FAM91A1: variants seen among roughly 807,000 people sequenced by gnomAD.
FAM91A1 encodes the protein family with sequence similarity 91 member A1.
FAM91A1 carries 41 observed loss-of-function variants against 113.5 expected under a neutral mutation model. The observed-to-expected ratio is 0.36, with a 90% CI of 0.28 to 0.47. The LOEUF (loss-of-function observed/expected upper bound fraction) is 0.47, where lower values mean the gene tolerates loss of function less well. Ranked by LOEUF, FAM91A1 falls within the 20% of genes least tolerant of loss-of-function variation. The pLI is 1.00. For synonymous variants in FAM91A1, 307 were observed against 347.9 expected (o/e 0.88, Z 1.31); for missense variants, 696 against 1,001.2 (o/e 0.70, Z 4.11).
At chr8:123,782,159 A>G (rs547564669) in intron 8 of FAM91A1, among the ~76,000 whole-genome samples, 21 of 152,328 alleles carry the variant, frequency 1.4e-4, no homozygotes, top group Admixed American at 4.6e-4. Flanking sequence ...CAGTCAGAGA[A>G]GGGCCAGATG....
At chr8:123,801,887 G>T (rs1815691402) in intron 18 of FAM91A1, among the ~76,000 whole-genome samples, 1 of 151,842 alleles carries the variant, frequency 6.6e-6, no homozygotes, top group South Asian at 2.1e-4. Flanking sequence ...GTTAGTGTTT[G>T]TGGAATAAAT....
Position 123,785,665 on chromosome 8 carries a change from C to T in FAM91A1, c.886C>T (p.His296Tyr). Residue 296 changes from histidine (H) to tyrosine (Y), a missense_variant, in exon 11 of 24, where the codon CAT becomes TAT. Transcript: ENST00000334705. ...VSMYCRLGFA[H>Y]KKGQVINLDQ... The stretch of plus-strand genomic sequence containing the variant: ...AATGTATTGCCGATTGGGCTTTGCC[C>T]ATAAGAAGGGACAAGTAATTAATTT... 1 of 1,608,852 alleles carries T rather than the reference C, an allele frequency of 6.2e-7. No homozygotes were observed. Among genetic ancestry groups the T allele is most frequent in the Non-Finnish European group, 8.5e-7 (1 of 1,178,536 alleles).
intron 18 of FAM91A1, among the ~76,000 whole-genome samples, chr8:123,804,338 A>AG (rs1361739295): frequency 3.0e-4 from 45 of 151,806 alleles, no homozygotes; most frequent in Non-Finnish European, 5.3e-4. Context: ...ATACAAAAAA[A>AG]TAGTTAGCCG....
At chr8:123,803,115 A>G (rs1181611464) in intron 18 of FAM91A1, among the ~76,000 whole-genome samples, 1 of 152,164 alleles carries the variant, frequency 6.6e-6, no homozygotes, top group African/African-American at 2.4e-5. Context: ...ACCAACTTGG[A>G]TAACATAGTG....
chr8:123,787,919 T>C (rs541600234), intron 14 of FAM91A1, among the ~76,000 whole-genome samples, 169 bp downstream of exon 14: 1 of 152,336 alleles, frequency 6.6e-6, no homozygotes, highest in South Asian at 2.1e-4. Flanking sequence ...GACTTAAACA[T>C]ATTGAGTGGG....
intron 15 of FAM91A1, among the ~76,000 whole-genome samples, chr8:123,790,954 CAT>C (rs1374564420): frequency 3.3e-5 from 5 of 152,188 alleles, no homozygotes; most frequent in African/African-American, 7.2e-5. Flanking sequence ...AATACTAAAT[CAT>C]GTGATAAAGC....
rs562863704 is a variant in FAM91A1, at chr8:123,771,334, G to T, written c.72+2560G>T. On this transcript the variant is annotated intron_variant, in intron 1 of 23. Coordinates refer to ENST00000334705, the MANE Select transcript of FAM91A1 (RefSeq NM_144963.4). ...TAAAGCTCAGTCAGTTTAAACTTGG[G>T]GAATATTCCTTCTATGGAAAGAATT... Among the ~76,000 whole-genome samples the T allele has an allele frequency of 5.3e-4, 81 of 152,184 alleles. No individual in the cohort carries two copies. The Middle Eastern group carries it at 0.014, about 26-fold the overall frequency.
chr8:123,779,872 GTTCA>G, intron 6 of FAM91A1, 109 bp from the exon 7 acceptor site: 1 of 811,526 alleles, frequency 1.2e-6, no homozygotes, highest in Non-Finnish European at 1.9e-6. Flanking sequence ...TAAATATGTA[GTTCA>G]TTGAGCTAAT....
At chr8:123,790,287 A>T (rs903820073) in intron 15 of FAM91A1, among the ~76,000 whole-genome samples, 4 of 152,250 alleles carry the variant, frequency 2.6e-5, no homozygotes, top group African/African-American at 9.6e-5. Flanking sequence ...GGGCACTCTC[A>T]GTTTTGTGAT....
rs540835637 is a variant in FAM91A1, at chr8:123,810,227, C to A, written c.2262-55C>A. The A allele has an allele frequency of 2.0e-6, 3 of 1,533,234 alleles. No homozygotes were observed. The African/African-American group carries it at 4.2e-5, about 22-fold the overall frequency. The allele number at this position is 1,533,234 out of a possible 1,614,324, so 95.0% of individuals were successfully genotyped here. On this transcript the variant is annotated intron_variant, in intron 22 of 23. Transcript: ENST00000334705. ...GCTAAAATTAAACTCTTATGAGAAA[C>A]TCATTCTTGCCTTTATGTTTGTTTT...
At chr8:123,780,143 G>A in intron 7 of FAM91A1, 68 bp downstream of exon 7, 1 of 1,302,602 alleles carries the variant, frequency 7.7e-7, no homozygotes, top group Admixed American at 1.9e-5. Flanking sequence ...ATAATTACTA[G>A]CAATTACTTA....
At chr8:123,808,042 GT>G (rs1815853939) in intron 20 of FAM91A1, among the ~76,000 whole-genome samples, 1 of 152,164 alleles carries the variant, frequency 6.6e-6, no homozygotes, top group South Asian at 2.1e-4. Flanking sequence ...CCTGTGTATG[GT>G]CAGATGTTTA....
chr8:123,768,474 C>T lies in FAM91A1; in HGVS notation c.-229C>T, dbSNP rs1814754478. The T allele has an allele frequency of 8.8e-6, 4 of 456,186 alleles. No homozygotes were observed. The highest frequency in any genetic ancestry group is 5.7e-4 in the Middle Eastern group (1 of 1,750). The allele number at this position is 456,186 out of a possible 1,614,324, so 28.3% of individuals were successfully genotyped here. A position where few individuals can be genotyped will look rare whatever the true frequency, so the allele number is the denominator to read the frequency against. On this transcript the variant is annotated 5_prime_UTR_variant, in exon 1 of 24. Transcript: ENST00000334705. ...CCGGCGGCCCGAAACTAGGAAGAAACTTGGAGCTGTTCAGGCGATCCAGCC... is the reference window on the plus strand; with the variant it reads ...CCGGCGGCCCGAAACTAGGAAGAAATTTGGAGCTGTTCAGGCGATCCAGCC...
At chr8:123,773,390 T>G (rs1335205280) in intron 1 of FAM91A1, among the ~76,000 whole-genome samples, 1 of 152,236 alleles carries the variant, frequency 6.6e-6, no homozygotes. Flanking sequence ...TATATTAAAT[T>G]AAGTTTATGG....
intron 1 of FAM91A1, 69 bp downstream of exon 1, chr8:123,768,843 C>T: frequency 6.7e-7 from 1 of 1,499,262 alleles, no homozygotes; most frequent in Non-Finnish European, 9.2e-7. Flanking sequence ...GCTTGCCTCG[C>T]TCGCGGGGCC....
Position 123,812,950 on chromosome 8 carries a change from A to G in FAM91A1, c.*246A>G. On this transcript the variant is annotated 3_prime_UTR_variant, in exon 24 of 24. Transcript: ENST00000334705. ...CCTTGAGACAATCTGCATTTCTTTT[A>G]TAAAACTAAGTATATACTTTATAGG... 2.9e-6 allele frequency: 1 copy of G among 341,412 alleles called. No homozygotes were observed. Among genetic ancestry groups the G allele is most frequent in the Non-Finnish European group, 5.3e-6 (1 of 189,476 alleles). The allele number at this position is 341,412 out of a possible 1,614,324, so 21.1% of individuals were successfully genotyped here. A position where few individuals can be genotyped will look rare whatever the true frequency, so the allele number is the denominator to read the frequency against.
chr8:123,789,551 T>C, intron 14 of FAM91A1, 62 bp from the exon 15 acceptor site: 1 of 1,605,260 alleles, frequency 6.2e-7, no homozygotes. Flanking sequence ...ATTATATGAT[T>C]ATTAGAGTGA....
intron 8 of FAM91A1, among the ~76,000 whole-genome samples, chr8:123,782,647 C>T (rs1586375066): frequency 1.3e-5 from 2 of 151,840 alleles, no homozygotes; most frequent in African/African-American, 2.4e-5. Flanking sequence ...GAACTTTTGT[C>T]GTATATATTT....
At chr8:123,783,251 G>A (rs1815167102) in intron 8 of FAM91A1, among the ~76,000 whole-genome samples, 1 of 152,064 alleles carries the variant, frequency 6.6e-6, no homozygotes, top group Non-Finnish European at 1.5e-5. Context: ...GAGTTAGGAG[G>A]ATTAAATGAA....
Sources: gnomAD v4.1 joint callset for allele counts (sites outside exome capture counted in the v4.1 genomes callset) on GRCh38, gnomAD v4.1.1 for gene constraint, MANE v1.5 for transcripts, NCBI Gene and HGNC (gene_info 2026-07-23, HGNC 2026-07-21) for gene names.